XKR9: variants seen among roughly 807,000 people sequenced by gnomAD.
XKR9 encodes the protein XK-related protein 9.
XKR9 carries 32 observed loss-of-function variants against 32.0 expected under a neutral mutation model. The ratio of observed to expected loss-of-function variants is 1.00; its 90% confidence interval spans 0.76 to 1.34. The LOEUF is 1.34. XKR9 is among the 40% of genes most tolerant of loss of function. The pLI is 0.00. For synonymous variants in XKR9, 168 were observed against 143.4 expected, an observed-to-expected ratio of 1.17 and a Z score of -1.22; for missense variants, 546 against 429.7, an observed-to-expected ratio of 1.27 and a Z score of -2.39.
chr8:71,003,191 A>T, the XKR9 span, among the ~76,000 whole-genome samples: 2 of 152,176 alleles, frequency 1.3e-5, no homozygotes, highest in East Asian at 1.9e-4. Context: ...CAGTTTTATA[A>T]CCCTTGGTGT....
At chr8:70,748,096 A>C (rs1361732959) in intron 2 of XKR9, among the ~76,000 whole-genome samples, 1 of 152,252 alleles carries the variant, frequency 6.6e-6, no homozygotes, top group East Asian at 1.9e-4. Context: ...CAACAATCAT[A>C]TAAAAAAATT....
At chr8:70,894,906 G>C in the XKR9 span, among the ~76,000 whole-genome samples, 1 of 152,036 alleles carries the variant, frequency 6.6e-6, no homozygotes, top group African/African-American at 2.4e-5. Context: ...GGATGAAGGG[G>C]ATCTGTGGCT....
chr8:70,707,255 ATTAT>A (rs1342578872), intron 4 of XKR9, 102 bp downstream of exon 4: 8 of 825,304 alleles, frequency 9.7e-6, no homozygotes, highest in Middle Eastern at 2.9e-4. Flanking sequence ...TACTTTAAAA[ATTAT>A]TTATTCTTTT....
intron 2 of XKR9, among the ~76,000 whole-genome samples, chr8:70,761,498 G>C (rs1037174701): frequency 1.3e-5 from 2 of 152,028 alleles, no homozygotes; most frequent in Non-Finnish European, 2.9e-5. Flanking sequence ...TTGTTCGCAC[G>C]TGTCTTCTTT....
chr8:71,064,981 T>C, the XKR9 span, among the ~76,000 whole-genome samples: 1 of 152,184 alleles, frequency 6.6e-6, no homozygotes, highest in Non-Finnish European at 1.5e-5. Context: ...TCAGTAGCTA[T>C]ATGACCTTGG....
chr8:70,706,241 A>AT (rs1319974299), intron 3 of XKR9, among the ~76,000 whole-genome samples: 1 of 152,012 alleles, frequency 6.6e-6, no homozygotes, highest in Non-Finnish European at 1.5e-5. Flanking sequence ...TTTGTTATCG[A>AT]TTTTATCTAT....
the XKR9 span, among the ~76,000 whole-genome samples, chr8:70,956,957 T>C: frequency 6.6e-6 from 1 of 152,084 alleles, no homozygotes; most frequent in Non-Finnish European, 1.5e-5. Flanking sequence ...GTGAGGCTCC[T>C]GCCTCACCAA....
At chr8:70,895,742 T>C in the XKR9 span, among the ~76,000 whole-genome samples, 1 of 144,054 alleles carries the variant, frequency 6.9e-6, no homozygotes, top group African/African-American at 2.6e-5. Context: ...CCCAGCGCTT[T>C]GGGAGGCCAA....
At chr8:70,740,108 T>G (rs184818939), downstream of XKR9, among the ~76,000 whole-genome samples, 2 of 152,338 alleles carry the variant, frequency 1.3e-5, no homozygotes, top group East Asian at 1.9e-4. Context: ...GGTACAGCAA[T>G]CAGATGTAGA....
At chr8:70,771,455 A>T (rs1375058486) in intron 2 of XKR9, among the ~76,000 whole-genome samples, 1 of 152,024 alleles carries the variant, frequency 6.6e-6, no homozygotes, top group African/African-American at 2.4e-5. Context: ...TGATTACTAA[A>T]TTTTTTTCTC....
chr8:71,005,952 A>C, the XKR9 span, among the ~76,000 whole-genome samples: 1 of 152,256 alleles, frequency 6.6e-6, no homozygotes, highest in Admixed American at 6.5e-5. Flanking sequence ...CATAAGAGGG[A>C]CTTTCTAAAG....
the XKR9 span, among the ~76,000 whole-genome samples, chr8:71,002,358 A>T: frequency 1.1e-5 from 1 of 94,940 alleles, no homozygotes; most frequent in South Asian, 2.7e-4. Flanking sequence ...TAAAAGCTAA[A>T]GCCGTGGTAG....
the XKR9 span, among the ~76,000 whole-genome samples, chr8:71,002,395 C>T: frequency 5.3e-5 from 6 of 113,702 alleles, 1 homozygote; most frequent in Admixed American, 3.4e-4. Flanking sequence ...CGAAATAATT[C>T]CAGTTGTGTT....
In XKR9 at chr8:70,786,766, G is replaced by A. The variant is rs148445995; in HGVS notation, n.353-2573G>A. Among the ~76,000 whole-genome samples, 99 of 152,024 alleles carry A rather than the reference G, an allele frequency of 6.5e-4. No homozygotes were observed. The East Asian group carries it at 0.018, about 28-fold the overall frequency. Reference sequence around the variant, plus strand: ...GAGAATTTAATCCATTTACATTCAGGGAAATTATCATTAGGTAAGGACCTA... The same window carrying A: ...GAGAATTTAATCCATTTACATTCAGAGAAATTATCATTAGGTAAGGACCTA... On this transcript the variant is annotated intron_variant and non_coding_transcript_variant, in intron 2 of 3. Transcript: ENST00000520273.
the XKR9 span, among the ~76,000 whole-genome samples, chr8:70,978,533 T>G: frequency 6.6e-6 from 1 of 152,226 alleles, no homozygotes; most frequent in African/African-American, 2.4e-5. Context: ...GGTTGAAAAT[T>G]CTTTTCTTTA....
chr8:70,858,143 G>A, the XKR9 span, among the ~76,000 whole-genome samples: 1 of 152,112 alleles, frequency 6.6e-6, no homozygotes, highest in Non-Finnish European at 1.5e-5. Flanking sequence ...AGGAAATAAA[G>A]GGTATTCAAT....
chr8:70,968,193 A>C, the XKR9 span, among the ~76,000 whole-genome samples: 5 of 151,482 alleles, frequency 3.3e-5, no homozygotes, highest in African/African-American at 1.2e-4. Context: ...GATAGTCTTC[A>C]AACTCTGAGA....
the XKR9 span, among the ~76,000 whole-genome samples, chr8:70,802,410 T>C: frequency 1.4e-3 from 219 of 152,320 alleles, no homozygotes; most frequent in Middle Eastern, 3.4e-3. Context: ...CAGCATACAA[T>C]TGGGTCTTGT....
At chr8:70,768,147 C>G (rs934589749) in intron 2 of XKR9, among the ~76,000 whole-genome samples, 3 of 152,190 alleles carry the variant, frequency 2.0e-5, no homozygotes, top group African/African-American at 7.2e-5. Context: ...TTTCAAAGAA[C>G]TTATTTATTT....
Sources: gnomAD v4.1 joint callset for allele counts (sites outside exome capture counted in the v4.1 genomes callset) on GRCh38, gnomAD v4.1.1 for gene constraint, MANE v1.5 for transcripts, NCBI Gene and HGNC (gene_info 2026-07-23, HGNC 2026-07-21) for gene names.